Variants in IFT43 observed in about 807,000 individuals in gnomAD.
IFT43 encodes intraflagellar transport 43.
A neutral mutation model predicts 32.3 loss-of-function variants in IFT43; 33 were observed. The ratio of observed to expected loss-of-function variants is 1.02; its 90% confidence interval spans 0.77 to 1.37. The LOEUF (loss-of-function observed/expected upper bound fraction) is 1.37, where lower values mean the gene tolerates loss of function less well. IFT43 is among the 40% of genes most tolerant of loss of function. The pLI, the probability that IFT43 is intolerant of heterozygous loss-of-function variation, is 0.00. For synonymous variants in IFT43, 93 were observed against 98.2 expected (o/e 0.95, Z 0.31); for missense variants, 274 against 265.9 (o/e 1.03, Z -0.21).
At chr14:75,992,819 G>A (rs1041707672) in intron 2 of IFT43, among the ~76,000 whole-genome samples, 1 of 152,268 alleles carries the variant, frequency 6.6e-6, no homozygotes, top group Non-Finnish European at 1.5e-5. Flanking sequence ...GGGATTACAG[G>A]TGTGAGCCAC....
chr14:76,065,240 A>G (rs930062767), intron 5 of IFT43, among the ~76,000 whole-genome samples: 2 of 152,174 alleles, frequency 1.3e-5, no homozygotes, highest in Admixed American at 6.5e-5. Flanking sequence ...GTGTCCACCA[A>G]CATCACCATC....
chr14:75,992,393 C>T (rs2035661483), intron 2 of IFT43, among the ~76,000 whole-genome samples: 1 of 152,150 alleles, frequency 6.6e-6, no homozygotes, highest in African/African-American at 2.4e-5. Context: ...TGAATAAAGG[C>T]ATATTGGGAC....
At chr14:75,986,156 T>C in intron 1 of IFT43, 1 of 1,354,312 alleles carries the variant, frequency 7.4e-7, no homozygotes, top group Non-Finnish European at 9.7e-7. Flanking sequence ...CCAGAACAGA[T>C]CGATCACAGG....
intron 3 of IFT43, among the ~76,000 whole-genome samples, chr14:76,039,423 G>C (rs1309672678): frequency 4.6e-5 from 7 of 152,170 alleles, no homozygotes; most frequent in Non-Finnish European, 1.0e-4. Context: ...TCTCCCAAAA[G>C]TGCTGGGATT....
chr14:76,018,888 C>A (rs1304956842), intron 2 of IFT43, among the ~76,000 whole-genome samples: 1 of 151,956 alleles, frequency 6.6e-6, no homozygotes, highest in African/African-American at 2.4e-5. Flanking sequence ...TCCATCCCTT[C>A]ACTTTTAGTC....
intron 2 of IFT43, among the ~76,000 whole-genome samples, chr14:76,013,276 G>GGAC (rs2036119932): frequency 6.6e-6 from 1 of 152,230 alleles, no homozygotes; most frequent in Non-Finnish European, 1.5e-5. Context: ...TCTGTGGGAA[G>GGAC]GACCCCTGGT....
At chr14:76,038,638 G>A (rs2036648334) in intron 3 of IFT43, among the ~76,000 whole-genome samples, 1 of 151,804 alleles carries the variant, frequency 6.6e-6, no homozygotes, top group South Asian at 2.1e-4. Context: ...GTTTATTATA[G>A]GAAATCATAG....
chr14:76,032,062 C>A (rs2036518197), intron 3 of IFT43, among the ~76,000 whole-genome samples: 1 of 152,152 alleles, frequency 6.6e-6, no homozygotes, highest in Admixed American at 6.5e-5. Context: ...ACCCCTTCTA[C>A]CCCCTCCCCT....
chr14:75,986,485 C>T (rs1175963095), intron 1 of IFT43, among the ~76,000 whole-genome samples: 2 of 151,402 alleles, frequency 1.3e-5, no homozygotes, highest in Non-Finnish European at 2.9e-5. Context: ...TTTAACCTTT[C>T]CGAGCCTTGG....
intron 5 of IFT43, among the ~76,000 whole-genome samples, chr14:76,074,656 G>A (rs2037380154): frequency 6.6e-6 from 1 of 152,202 alleles, no homozygotes. Flanking sequence ...GGGATGACAG[G>A]AACATTGCTG....
chr14:75,987,054 G>A (rs2139855715), intron 1 of IFT43, among the ~76,000 whole-genome samples: 1 of 152,324 alleles, frequency 6.6e-6, no homozygotes, highest in South Asian at 2.1e-4. Flanking sequence ...AAATCAGGCA[G>A]TAAAGAAGTT....
chr14:76,075,579 G>A (rs764184446), intron 5 of IFT43, among the ~76,000 whole-genome samples: 2 of 152,246 alleles, frequency 1.3e-5, no homozygotes, highest in African/African-American at 4.8e-5. Flanking sequence ...AGCGTTTGAT[G>A]TCTCTCTGAC....
chr14:76,007,734 GA>G (rs1265333579), intron 2 of IFT43, among the ~76,000 whole-genome samples: 2 of 152,184 alleles, frequency 1.3e-5, no homozygotes, highest in Admixed American at 6.5e-5. Context: ...GATGAATGTT[GA>G]AAAGAATTTT....
In IFT43 at chr14:76,078,677, C is replaced by G. The variant is rs1475227064; in HGVS notation, c.296-3618C>G. ...GCAGTGCACAAGGCAAGGAAGGAGT[C>G]TTCTGTTTAAGCATCAGAGCTGGGG... On this transcript the variant is annotated intron_variant, in intron 5 of 8. Transcript: ENST00000314067. Among the ~76,000 whole-genome samples, 3 of 152,232 alleles carry G rather than the reference C, an allele frequency of 2.0e-5. No individual in the cohort carries two copies. The East Asian group carries it at 5.8e-4, about 29-fold the overall frequency.
chr14:76,083,537 C>T lies in IFT43; in HGVS notation c.587C>T (p.Thr196Met), dbSNP rs759241440. 4.8e-5 allele frequency: 77 copies of T among 1,614,050 alleles called. No individual in the cohort carries two copies. The highest frequency in any genetic ancestry group is 1.7e-4 in the Middle Eastern group (1 of 6,058). ...EVLTEWDPLQ[T>M]EKEDPAGQAR... ...CTCACTGAGTGGGACCCACTGCAGA[C>T]GGAGAAGGAGGACCCTGCGGGGCAG... Residue 196 changes from threonine to methionine, a missense_variant, in exon 9 of 9, where the codon ACG (threonine) becomes ATG (methionine). Coordinates refer to ENST00000314067, the MANE Select transcript of IFT43 (RefSeq NM_001102564.3).
At chr14:76,029,138 T>C (rs955025803) in intron 3 of IFT43, among the ~76,000 whole-genome samples, 3 of 152,242 alleles carry the variant, frequency 2.0e-5, no homozygotes, top group African/African-American at 7.2e-5. Flanking sequence ...CTGTTATTTT[T>C]TGACTTTTTA....
rs544061785 is a variant in IFT43, at chr14:76,038,513, G to A, written c.215+16119G>A. On this transcript the variant is annotated intron_variant, in intron 3 of 8. Coordinates refer to ENST00000314067, the MANE Select transcript of IFT43 (RefSeq NM_001102564.3). ...TAGGCTCCCCAAAGTGTAATTTTTT[G>A]CTTTGCTCTCAGAGCCTGGACAGAA... 2.0e-5 allele frequency among the ~76,000 whole-genome samples: 3 copies of A among 152,196 alleles called. No homozygotes were observed. The South Asian group carries it at 6.2e-4, about 32-fold the overall frequency.
intron 5 of IFT43, among the ~76,000 whole-genome samples, chr14:76,081,137 A>G (rs2037503386): frequency 1.3e-5 from 2 of 152,366 alleles, no homozygotes; most frequent in Admixed American, 1.3e-4. Context: ...TGACATTTCC[A>G]TCCTCTGGCG....
chr14:76,062,470 G>T (rs1244718565), intron 5 of IFT43, among the ~76,000 whole-genome samples: 1 of 152,120 alleles, frequency 6.6e-6, no homozygotes, highest in Non-Finnish European at 1.5e-5. Context: ...TTTAAAGACT[G>T]ATATACAGAC....
Sources: allele counts gnomAD v4.1 joint callset (sites outside exome capture counted in the v4.1 genomes callset), GRCh38; gene constraint gnomAD v4.1.1; transcripts MANE v1.5; gene names NCBI Gene and HGNC (gene_info 2026-07-23, HGNC 2026-07-21).